Variants in IRX4 observed in about 807,000 individuals in gnomAD.
IRX4 encodes iroquois-class homeodomain protein IRX-4.
A neutral mutation model predicts 32.0 loss-of-function variants in IRX4; 22 were observed. The observed-to-expected ratio is 0.69, with a 90% confidence interval of 0.49 to 0.98. The LOEUF is 0.98. IRX4 is among the 50% of genes least tolerant of loss of function. IRX4 has a pLI of 0.00. For missense variants in IRX4, 840 were observed against 744.2 expected (o/e 1.13, Z -1.50); for synonymous variants, 379 against 351.7 (o/e 1.08, Z -0.87).
intron 3 of IRX4, chr5:1,880,282 T>C (rs938691751): frequency 1.4e-6 from 1 of 691,148 alleles, no homozygotes; most frequent in Admixed American, 2.9e-5. Flanking sequence ...TTTGTAGTGG[T>C]TGCATTGAGG....
Position 1,878,208 on chromosome 5 carries a change from C to T in IRX4, c.1321G>A (p.Gly441Arg), listed in dbSNP as rs779467485. The T allele has an allele frequency of 5.6e-6, 9 of 1,600,070 alleles. No individual in the cohort carries two copies. In the East Asian group the frequency reaches 1.8e-4, roughly 32 times the overall value. Reference protein sequence around the residue: ...PVTSLRNWVDGVFHDPILRHS... With the variant: ...PVTSLRNWVDRVFHDPILRHS... ...CTGAGGATGGGGTCGTGGAAGACCC[C>T]GTCCACCCAGTTTCTGAGACTGGTT... is the stretch of plus-strand genomic sequence containing the variant. The change falls in exon 5 of 5, where the codon GGG becomes AGG. Residue 441 changes from glycine to arginine, a missense_variant. By Grantham distance (125) the Gly-to-Arg change is moderately radical (BLOSUM62 -2). Around this residue, in one of 3 missense-constraint regions of IRX4, gnomAD observed 585 missense variants for 488.0 expected, o/e 1.20. Transcript: ENST00000231357.
At chr5:1,879,054 C>G (rs1018957944) in intron 4 of IRX4, among the ~76,000 whole-genome samples, 3 of 151,334 alleles carry the variant, frequency 2.0e-5, no homozygotes, top group Non-Finnish European at 4.4e-5. Context: ...TGCAGTGGCG[C>G]GATCTCAGCT....
At chr5:1,879,256 G>A (rs751266260) in intron 4 of IRX4, among the ~76,000 whole-genome samples, 7 of 152,146 alleles carry the variant, frequency 4.6e-5, no homozygotes, top group Admixed American at 1.3e-4. Context: ...CTTCCAAAGC[G>A]CTGGGATTAC....
chr5:1,883,177 T>C (rs76955183), upstream of IRX4, among the ~76,000 whole-genome samples: 16,960 of 152,230 alleles, frequency 0.11, 1,236 homozygotes, highest in East Asian at 0.33. Context: ...CGAACGGTGT[T>C]TCTCTTTAGT....
chr5:1,883,417 C>G (rs1044542522), upstream of IRX4, among the ~76,000 whole-genome samples: 1 of 151,992 alleles, frequency 6.6e-6, no homozygotes, highest in Non-Finnish European at 1.5e-5. Flanking sequence ...GCCCCGCACG[C>G]GTCTCGTCAC....
chr5:1,879,417 G>T, intron 4 of IRX4, 87 bp downstream of exon 4: 4 of 1,583,704 alleles, frequency 2.5e-6, no homozygotes, highest in Non-Finnish European at 3.4e-6. Context: ...TCGGCGTTTG[G>T]GACCCCCAAG....
At chr5:1,885,792 A>C (rs527811813), upstream of IRX4, among the ~76,000 whole-genome samples, 41 of 152,354 alleles carry the variant, frequency 2.7e-4, 1 homozygote, top group South Asian at 7.9e-3. Context: ...CCTTCACCAA[A>C]AGGCCAAGCC....
At position 1,878,205 on chromosome 5, in the gene IRX4, C is replaced by T. The variant is rs750383973; in HGVS notation, c.1324G>A (p.Val442Ile). The T allele has an allele frequency of 1.9e-6, 3 of 1,599,042 alleles. No individual in the cohort carries two copies. Among genetic ancestry groups the T allele is most frequent in the Non-Finnish European group, 2.6e-6 (3 of 1,174,034 alleles). Reference protein sequence around the residue: ...VTSLRNWVDGVFHDPILRHST... With the variant: ...VTSLRNWVDGIFHDPILRHST... The stretch of plus-strand genomic sequence containing the variant: ...TGCCTGAGGATGGGGTCGTGGAAGA[C>T]CCCGTCCACCCAGTTTCTGAGACTG... The change falls in exon 5 of 5, where the codon GTC (valine) becomes ATC (isoleucine). Residue 442 changes from valine (V) to isoleucine (I), a missense_variant. Coordinates refer to ENST00000231357, the MANE Select transcript of IRX4 (RefSeq NM_016358.3).
At position 1,882,835 on chromosome 5, in the gene IRX4, C is replaced by T. The variant is rs866934562; in HGVS notation, c.-188G>A. 5.5e-4 allele frequency: 221 copies of T among 402,832 alleles called. 3 individuals are homozygous for T. The highest frequency in any genetic ancestry group is 9.9e-4 in the African/African-American group (48 of 48,400). 25.0% of individuals were successfully genotyped at this position (402,832 alleles called of 1,614,324 possible). On this transcript the variant is annotated 5_prime_UTR_variant, in exon 1 of 5. Coordinates refer to ENST00000231357, the MANE Select transcript of IRX4 (RefSeq NM_016358.3). ...GGGTAACAAAGTGAGCAGCGGTGGC[C>T]GCCGCGATTCCTTTAACTTCGCATT...
rs1025952165 is a variant in IRX4, at chr5:1,878,462, G to A, written c.1067C>T (p.Ala356Val). Residue 356 changes from alanine (A) to valine (V), a missense_variant, in exon 5 of 5, where the codon GCG becomes GTG. Ala to Val is a moderately conservative substitution (Grantham distance 64). Transcript: ENST00000231357. Reference sequence around the variant, plus strand: ...AGCCTCCAGGCCTGCCGACGCCCCCGCCGGCACAAACCCCAGCTTGGCCTC... The same window carrying A: ...AGCCTCCAGGCCTGCCGACGCCCCCACCGGCACAAACCCCAGCTTGGCCTC... ...VCEAKLGFVP[A>V]GASAGLEAKP... The A allele has an allele frequency of 1.2e-5, 17 of 1,454,918 alleles. No individual in the cohort carries two copies. The highest frequency in any genetic ancestry group is 1.2e-5 in the Non-Finnish European group (13 of 1,109,372). The allele number at this position is 1,454,918 out of a possible 1,614,324, so 90.1% of individuals were successfully genotyped here.
At chr5:1,886,228 C>T (rs541123649), upstream of IRX4, among the ~76,000 whole-genome samples, 32 of 152,374 alleles carry the variant, frequency 2.1e-4, no homozygotes, top group African/African-American at 6.0e-4. Flanking sequence ...CAGGAGTTAC[C>T]CTGGGGGCCA....
chr5:1,878,850 C>T, intron 4 of IRX4, 58 bp from the exon 5 acceptor site: 1 of 1,558,058 alleles, frequency 6.4e-7, no homozygotes, highest in Non-Finnish European at 8.8e-7. Flanking sequence ...AATCAGACCC[C>T]CTGTCCCCGT....
intron 3 of IRX4, chr5:1,880,185 G>T: frequency 6.9e-7 from 1 of 1,458,430 alleles, no homozygotes; most frequent in South Asian, 1.2e-5. Context: ...CCCACACCCT[G>T]AGATGTAACA....
In IRX4 at chr5:1,877,922, C is replaced by G. The variant is rs1214916535; in HGVS notation, c.*47G>C. 2 of 1,447,348 alleles carry G rather than the reference C, an allele frequency of 1.4e-6. No individual in the cohort carries two copies. The highest frequency in any genetic ancestry group is 2.2e-5 in the Admixed American group (1 of 45,382). 89.7% of individuals were successfully genotyped at this position (1,447,348 alleles called of 1,614,324 possible). A position where few individuals can be genotyped will look rare whatever the true frequency, so the allele number is the denominator to read the frequency against. The stretch of plus-strand genomic sequence containing the variant: ...GAAACTCAGTGAAAAGAGTCGGCGC[C>G]GTCCGCCTGAGCGCGGGTTCCCTCC... On this transcript the variant is annotated 3_prime_UTR_variant, in exon 5 of 5. Transcript: ENST00000231357.
chr5:1,885,278 C>CT (rs749910963), upstream of IRX4, among the ~76,000 whole-genome samples: 27 of 152,230 alleles, frequency 1.8e-4, no homozygotes, highest in Non-Finnish European at 3.5e-4. Context: ...TGAGCAGAGT[C>CT]TGGGAGAAGC....
chr5:1,881,715 C>T (rs1391220131), intron 2 of IRX4, 93 bp downstream of exon 2: 3 of 1,482,682 alleles, frequency 2.0e-6, no homozygotes, highest in Non-Finnish European at 9.2e-7. Flanking sequence ...TGTGACAGTC[C>T]GGGGACCCGG....
Position 1,881,871 on chromosome 5 carries a change from G to A in IRX4, c.234C>T (p.Gly78=), listed in dbSNP as rs1274766980. 6 of 1,583,818 alleles carry A rather than the reference G, an allele frequency of 3.8e-6. No individual in the cohort carries two copies. The highest frequency in any genetic ancestry group is 5.1e-6 in the Non-Finnish European group (6 of 1,165,480). Residue 78 remains glycine, a synonymous_variant, in exon 2 of 5, where the codon GGC becomes GGT. Coordinates refer to ENST00000231357, the MANE Select transcript of IRX4 (RefSeq NM_016358.3). The part of the protein sequence containing the change: ...AALGVYGGPY[G]GSQGYGNYVT... ...CGTAGTTGCCATAGCCCTGCGATCC[G>A]CCATAGGGACCCCCATAGACGCCCA...
chr5:1,885,808 C>G (rs1214709487), upstream of IRX4, among the ~76,000 whole-genome samples: 1 of 152,284 alleles, frequency 6.6e-6, no homozygotes, highest in East Asian at 1.9e-4. Context: ...AAGCCTGGAG[C>G]GGAGGCACCC....
Position 1,880,846 on chromosome 5 carries a change from A to C in IRX4, c.298-12T>G, listed in dbSNP as rs1735403365. 6.2e-7 allele frequency: 1 copy of C among 1,608,662 alleles called. No homozygotes were observed. Among genetic ancestry groups the C allele is most frequent in the African/African-American group, 1.3e-5 (1 of 74,766 alleles). On this transcript the variant is annotated splice_polypyrimidine_tract_variant and intron_variant, in intron 2 of 4. Coordinates refer to ENST00000231357, the MANE Select transcript of IRX4 (RefSeq NM_016358.3). ...GAATCAAAGCTGTTCTGTGGGAGCC[A>C]AGAGTCTGGGGTCGCAGTTTCCAGG...
Sources: gnomAD v4.1 joint callset for allele counts (sites outside exome capture counted in the v4.1 genomes callset) on GRCh38, gnomAD v4.1.1 for gene constraint, gnomAD v4.1.1 regional missense constraint, MANE v1.5 for transcripts, NCBI Gene and HGNC (gene_info 2026-07-23, HGNC 2026-07-21) for gene names.